Variants in IL1RN observed in about 807,000 individuals in gnomAD.
IL1RN encodes the protein interleukin 1 receptor antagonist.
A neutral mutation model predicts 13.7 loss-of-function variants in IL1RN; 10 were observed. The ratio of observed to expected loss-of-function variants is 0.73; its 90% CI spans 0.45 to 1.24. The LOEUF (loss-of-function observed/expected upper bound fraction) is 1.24, where lower values mean the gene tolerates loss of function less well. Ranked by LOEUF, IL1RN falls within the 50% of genes most tolerant of loss-of-function variation. The probability of loss-of-function intolerance (pLI) is 0.00; values close to 1 mark genes in which losing one functional copy is unlikely to be tolerated. For missense variants in IL1RN, 213 were observed against 222.1 expected (o/e 0.96, Z 0.26); for synonymous variants, 102 against 82.7 (o/e 1.23, Z -1.27).
At chr2:113,123,074 TA>T (rs1686835163), upstream of IL1RN, among the ~76,000 whole-genome samples, 2 of 152,082 alleles carry the variant, frequency 1.3e-5, no homozygotes, top group Non-Finnish European at 2.9e-5. Context: ...GCGGTGAGCC[TA>T]GATTGCTCCA....
chr2:113,125,422 C>CT (rs1686921648), upstream of IL1RN, among the ~76,000 whole-genome samples: 1 of 152,128 alleles, frequency 6.6e-6, no homozygotes, highest in South Asian at 2.1e-4. Context: ...GGATGGGTGA[C>CT]TCACTCAAGG....
At chr2:113,107,246 TGAAGAGAAATTCACCA>T (rs1386463699), upstream of IL1RN, 1 of 152,068 alleles carries the variant, frequency 6.6e-6, no homozygotes, top group African/African-American at 2.4e-5. Context: ...AAAGGATAAA[TGAAGAGAAATTCACCA>T]GAGATACATT....
chr2:113,116,996 C>T (rs1686609709), upstream of IL1RN, among the ~76,000 whole-genome samples: 1 of 152,216 alleles, frequency 6.6e-6, no homozygotes, highest in Admixed American at 6.5e-5. Flanking sequence ...CCCGGGACTT[C>T]GTCCTGCCCA....
intron 3 of IL1RN, among the ~76,000 whole-genome samples, chr2:113,132,063 C>T (rs1236081681): frequency 2.6e-5 from 4 of 152,198 alleles, no homozygotes; most frequent in African/African-American, 9.6e-5. Context: ...CGTGTATTTA[C>T]CAGACTTAGT....
At chr2:113,113,542 C>T (rs974957671), upstream of IL1RN, among the ~76,000 whole-genome samples, 1 of 151,914 alleles carries the variant, frequency 6.6e-6, no homozygotes, top group African/African-American at 2.4e-5. Context: ...GTATTGTATA[C>T]TTAAAATTGC....
In IL1RN at chr2:113,131,070, G is replaced by A. The variant is rs757467932; in HGVS notation, c.231G>A (p.Glu77=). 4 of 1,612,772 alleles carry A rather than the reference G, an allele frequency of 2.5e-6. No individual in the cohort carries two copies. Among genetic ancestry groups the A allele is most frequent in the Non-Finnish European group, 3.4e-6 (4 of 1,178,702 alleles). Residue 77 remains glutamate (E), a synonymous_variant, in exon 3 of 4, where the codon GAG becomes GAA. Transcript: ENST00000409930. Reference sequence around the variant, plus strand: ...AAAAGATAGATGTGGTACCCATTGAGCCTCATGCTCTGTTCTTGGGAATCC... The same window carrying A: ...AAAAGATAGATGTGGTACCCATTGAACCTCATGCTCTGTTCTTGGGAATCC... ...LEEKIDVVPI[E]PHALFLGIHG...
In IL1RN at chr2:113,117,916, C is replaced by A; in HGVS notation, c.-103C>A. On this transcript the variant is annotated 5_prime_UTR_variant, in exon 1 of 6. Coordinates refer to the IL1RN transcript ENST00000259206. ...AGGGGCAGCTCCACCCTGGGAGGGA[C>A]TGTGGCCCAGGTACTGCCCGGGTGC... The A allele has an allele frequency of 3.8e-6, 3 of 798,396 alleles. No homozygotes were observed. The South Asian group carries it at 4.0e-5, about 11-fold the overall frequency. 49.5% of individuals were successfully genotyped at this position (798,396 alleles called of 1,614,324 possible).
upstream of IL1RN, among the ~76,000 whole-genome samples, chr2:113,104,900 T>C (rs1320856090): frequency 6.6e-6 from 1 of 152,220 alleles, no homozygotes; most frequent in Non-Finnish European, 1.5e-5. Context: ...ATCCCACATC[T>C]GATTTATTTT....
upstream of IL1RN, chr2:113,117,860 C>T: frequency 8.3e-6 from 6 of 725,398 alleles, no homozygotes; most frequent in Non-Finnish European, 1.5e-5. Context: ...GGCTGGGCTC[C>T]TCCTTGTACT....
upstream of IL1RN, among the ~76,000 whole-genome samples, chr2:113,114,881 G>A (rs1041120243): frequency 5.9e-5 from 9 of 152,146 alleles, no homozygotes; most frequent in Non-Finnish European, 8.8e-5. Context: ...GTGAGGATAA[G>A]TAACTAGTCA....
At chr2:113,131,935 T>A (rs940264737) in intron 3 of IL1RN, among the ~76,000 whole-genome samples, 1 of 152,174 alleles carries the variant, frequency 6.6e-6, no homozygotes, top group Admixed American at 6.5e-5. Context: ...GACTGCCTGT[T>A]CTGTGAGGAG....
chr2:113,131,627 GA>G (rs571942569), intron 3 of IL1RN, among the ~76,000 whole-genome samples: 3 of 152,122 alleles, frequency 2.0e-5, no homozygotes, highest in Non-Finnish European at 4.4e-5. Context: ...CACAGGACCT[GA>G]ATCTCTGTGT....
Position 113,128,261 on chromosome 2 carries a change from C to G in IL1RN, c.116+521C>G, listed in dbSNP as rs541766138. Among the ~76,000 whole-genome samples, 4 of 152,286 alleles carry G rather than the reference C, an allele frequency of 2.6e-5. No homozygotes were observed. In the East Asian group the frequency reaches 7.7e-4, roughly 29 times the overall value. On this transcript the variant is annotated intron_variant, in intron 1 of 3. Coordinates refer to ENST00000409930, the MANE Select transcript of IL1RN (RefSeq NM_173842.3). ...CACAGATAATAGCGTAACAGTATTCCGTGCATTGTAAAGAGCCTGAAAACC... is the reference window on the plus strand; with the variant it reads ...CACAGATAATAGCGTAACAGTATTCGGTGCATTGTAAAGAGCCTGAAAACC...
chr2:113,114,669 G>T (rs1686559196), upstream of IL1RN, among the ~76,000 whole-genome samples: 1 of 151,868 alleles, frequency 6.6e-6, no homozygotes, highest in African/African-American at 2.4e-5. Flanking sequence ...GTCTGTGTTT[G>T]TGTGTGTGTG....
chr2:113,114,298 T>G (rs1686551315), upstream of IL1RN, among the ~76,000 whole-genome samples: 1 of 152,162 alleles, frequency 6.6e-6, no homozygotes, highest in Admixed American at 6.5e-5. Context: ...ACCCTAAGGC[T>G]TATGGATTCA....
chr2:113,104,804 G>T (rs1338695882), upstream of IL1RN, among the ~76,000 whole-genome samples: 1 of 152,024 alleles, frequency 6.6e-6, no homozygotes, highest in Non-Finnish European at 1.5e-5. Flanking sequence ...GAAACAGAAG[G>T]TCAGAAAGGC....
chr2:113,130,889 T>C (rs538292812), intron 2 of IL1RN, among the ~76,000 whole-genome samples, 156 bp from the exon 3 acceptor site: 1 of 152,338 alleles, frequency 6.6e-6, no homozygotes, highest in East Asian at 1.9e-4. Flanking sequence ...TAATCTTCTA[T>C]TTACCTGCAG....
upstream of IL1RN, among the ~76,000 whole-genome samples, chr2:113,123,354 A>G (rs1481756848): frequency 6.6e-6 from 1 of 152,194 alleles, no homozygotes; most frequent in Non-Finnish European, 1.5e-5. Flanking sequence ...TGCTGGTTTC[A>G]AAAACTTCAG....
chr2:113,126,502 T>C (rs1275684085), upstream of IL1RN, among the ~76,000 whole-genome samples: 1 of 152,324 alleles, frequency 6.6e-6, no homozygotes, highest in East Asian at 1.9e-4. Flanking sequence ...GTCCATCCTG[T>C]AGATCATGCA....
Sources: gnomAD v4.1 joint callset for allele counts (sites outside exome capture counted in the v4.1 genomes callset) on GRCh38, gnomAD v4.1.1 for gene constraint, MANE v1.5 for transcripts, NCBI Gene and HGNC (gene_info 2026-07-23, HGNC 2026-07-21) for gene names.